DAB1: variants seen among roughly 807,000 people sequenced by gnomAD.
The protein encoded by DAB1 is DAB adaptor protein 1.
Under a neutral mutation model 64.6 loss-of-function variants are expected in DAB1, and 15 were observed. The observed-to-expected ratio is 0.23, with a 90% CI of 0.16 to 0.36. The LOEUF (loss-of-function observed/expected upper bound fraction) is 0.36. Ranked by LOEUF, DAB1 falls within the 10% of genes least tolerant of loss-of-function variation. DAB1 has a pLI of 1.00. For missense variants in DAB1, 596 were observed against 706.7 expected (o/e 0.84, Z 1.78); for synonymous variants, 235 against 251.9 (o/e 0.93, Z 0.64).
rs567201066 is a variant in DAB1, at chr1:58,086,180, G to T, written n.387+64331C>A. Among the ~76,000 whole-genome samples, 3 of 151,524 alleles carry T rather than the reference G, an allele frequency of 2.0e-5. No homozygotes were observed. The South Asian group carries it at 6.3e-4, about 32-fold the overall frequency. On this transcript the variant is annotated intron_variant and non_coding_transcript_variant, in intron 5 of 20. Coordinates refer to the DAB1 transcript ENST00000485760. The stretch of plus-strand genomic sequence containing the variant: ...GGGTTTCACCGTTTTAGCCGGGATG[G>T]TCTCGATCTCCTGACCTCGTGATCC...
intron 4 of DAB1, among the ~76,000 whole-genome samples, chr1:58,335,551 A>G (rs1663092629): frequency 6.6e-6 from 1 of 152,132 alleles, no homozygotes; most frequent in African/African-American, 2.4e-5. Context: ...CTCTGGGGCA[A>G]TGCTGTGCAC....
intron 3 of DAB1, among the ~76,000 whole-genome samples, chr1:58,473,541 CAAAAAAATAAAT>C (rs1247408689): frequency 5.2e-5 from 6 of 115,242 alleles, no homozygotes; most frequent in African/African-American, 2.1e-4. Flanking sequence ...GACTCCGTCT[CAAAAAAATAAAT>C]AAATAAATAA....
chr1:58,323,749 C>T (rs1569642582), intron 4 of DAB1, among the ~76,000 whole-genome samples: 1 of 151,856 alleles, frequency 6.6e-6, no homozygotes. Flanking sequence ...CACGGTGAAA[C>T]CTCGTCTCTA....
chr1:58,132,283 T>C (rs951204718), intron 5 of DAB1, among the ~76,000 whole-genome samples: 1 of 152,090 alleles, frequency 6.6e-6, no homozygotes, highest in African/African-American at 2.4e-5. Flanking sequence ...CCCTTGCGCT[T>C]CCCAAGTGAG....
At chr1:57,816,206 G>T (rs763572722) in intron 6 of DAB1, among the ~76,000 whole-genome samples, 8 of 152,186 alleles carry the variant, frequency 5.3e-5, no homozygotes, top group Non-Finnish European at 8.8e-5. Flanking sequence ...TCTGTTCATT[G>T]CTTTTACCTG....
chr1:57,595,247 AATTTTTTTTAGATTCTAG>A (rs1239541418), intron 7 of DAB1, among the ~76,000 whole-genome samples: 41 of 151,860 alleles, frequency 2.7e-4, no homozygotes, highest in African/African-American at 9.7e-4. Flanking sequence ...TTAGATTCTA[AATTTTTTTTAGATTCTAG>A]ATTTTTTTTA....
intron 6 of DAB1, among the ~76,000 whole-genome samples, chr1:57,699,771 G>A (rs938253134): frequency 3.3e-5 from 5 of 152,162 alleles, no homozygotes; most frequent in Admixed American, 1.3e-4. Flanking sequence ...AAATTAGCTC[G>A]GCGTGGTGGT....
At chr1:57,928,801 C>T (rs570748082) in intron 5 of DAB1, among the ~76,000 whole-genome samples, 1 of 152,040 alleles carries the variant, frequency 6.6e-6, no homozygotes, top group African/African-American at 2.4e-5. Flanking sequence ...TTGTTAACAC[C>T]AAATAATATT....
intron 6 of DAB1, among the ~76,000 whole-genome samples, chr1:57,668,708 A>G (rs983226890): frequency 6.6e-6 from 1 of 152,080 alleles, no homozygotes; most frequent in South Asian, 2.1e-4. Context: ...AAAAGTTAAG[A>G]CAAAAGGACA....
At chr1:58,018,304 C>T (rs938664699) in intron 5 of DAB1, among the ~76,000 whole-genome samples, 7 of 152,100 alleles carry the variant, frequency 4.6e-5, no homozygotes, top group Non-Finnish European at 1.0e-4. Context: ...TGGGACTACT[C>T]CCCAGCTGCC....
At chr1:58,446,087 A>G (rs1645062930) in intron 3 of DAB1, among the ~76,000 whole-genome samples, 1 of 152,196 alleles carries the variant, frequency 6.6e-6, no homozygotes, top group Non-Finnish European at 1.5e-5. Flanking sequence ...ACCCCTAACC[A>G]TCTATTTTAT....
chr1:57,436,863 T>TAAAAAATAC (rs1685715552), intron 7 of DAB1, among the ~76,000 whole-genome samples: 1 of 151,750 alleles, frequency 6.6e-6, no homozygotes, highest in Admixed American at 6.6e-5. Context: ...CCGTCTCTAC[T>TAAAAAATAC]AAAAAATACA....
rs546017559 is a variant in DAB1, at chr1:57,298,156, C to T, written c.-136-6990G>A. On this transcript the variant is annotated intron_variant, in intron 1 of 14. Transcript: ENST00000371236. ...TTTATTTTTTAATGTCAAAGGCTAT[C>T]TGATCTGACCATGGCAATTTGGAAA... Among the ~76,000 whole-genome samples the T allele has an allele frequency of 1.1e-4, 17 of 152,070 alleles. 1 individual carries two copies. The South Asian group carries it at 2.3e-3, about 20-fold the overall frequency.
chr1:57,380,214 T>C (rs888644468), intron 1 of DAB1, among the ~76,000 whole-genome samples: 1 of 152,092 alleles, frequency 6.6e-6, no homozygotes, highest in African/African-American at 2.4e-5. Context: ...CATAGAGAAA[T>C]TACTAACAAA....
chr1:57,058,404 G>T (rs1008598558), intron 9 of DAB1, among the ~76,000 whole-genome samples: 5 of 152,144 alleles, frequency 3.3e-5, no homozygotes, highest in Non-Finnish European at 5.9e-5. Context: ...GCATTCATTT[G>T]TTCATTCATT....
At chr1:57,347,339 T>C (rs1216131477) in intron 1 of DAB1, among the ~76,000 whole-genome samples, 1 of 152,224 alleles carries the variant, frequency 6.6e-6, no homozygotes, top group East Asian at 1.9e-4. Flanking sequence ...AGGCCTGCTG[T>C]GACCAGCAGC....
intron 4 of DAB1, among the ~76,000 whole-genome samples, chr1:58,210,428 G>T (rs946087743): frequency 6.6e-6 from 1 of 152,310 alleles, no homozygotes; most frequent in African/African-American, 2.4e-5. Context: ...AGTATGTCAT[G>T]AGAAACATTT....
intron 1 of DAB1, among the ~76,000 whole-genome samples, chr1:57,855,750 A>G (rs1031195364): frequency 3.9e-5 from 6 of 152,182 alleles, no homozygotes; most frequent in African/African-American, 1.4e-4. Context: ...TAGGGCCAGC[A>G]CAGCACTTTG....
intron 4 of DAB1, among the ~76,000 whole-genome samples, chr1:57,107,498 G>A (rs1655279078): frequency 1.3e-5 from 2 of 151,990 alleles, no homozygotes; most frequent in African/African-American, 4.8e-5. Flanking sequence ...CACTCAAGGA[G>A]CTCTAGAATT....
Sources: allele counts gnomAD v4.1 joint callset (sites outside exome capture counted in the v4.1 genomes callset), GRCh38; gene constraint gnomAD v4.1.1; transcripts MANE v1.5; gene names NCBI Gene and HGNC (gene_info 2026-07-23, HGNC 2026-07-21).